PKNOX2: variants seen among roughly 807,000 people sequenced by gnomAD.
PKNOX2 encodes PBX/knotted 1 homeobox 2, also known as homeobox protein PKNOX2.
A neutral mutation model predicts 53.1 loss-of-function variants in PKNOX2; 14 were observed. That is an observed-to-expected ratio of 0.26 (90% CI 0.17 to 0.41). The LOEUF is 0.41. PKNOX2 is among the 10% of genes least tolerant of loss of function. The probability of loss-of-function intolerance (pLI) is 1.00; values close to 1 mark genes in which losing one functional copy is unlikely to be tolerated. For missense variants in PKNOX2, 496 were observed against 602.8 expected, an observed-to-expected ratio of 0.82 and a Z score of 1.85; for synonymous variants, 257 against 242.8, an observed-to-expected ratio of 1.06 and a Z score of -0.54.
chr11:125,237,849 G>C (rs1429694909), intron 2 of PKNOX2, among the ~76,000 whole-genome samples: 1 of 152,156 alleles, frequency 6.6e-6, no homozygotes, highest in Non-Finnish European at 1.5e-5. Context: ...CACAAGCCTT[G>C]AGCCCTTCAC....
At chr11:125,220,150 A>T (rs913771635) in intron 1 of PKNOX2, among the ~76,000 whole-genome samples, 14 of 152,090 alleles carry the variant, frequency 9.2e-5, no homozygotes, top group African/African-American at 3.1e-4. Flanking sequence ...CACCAAGTTT[A>T]AAAAAAAGTG....
chr11:125,346,850 T>A (rs748208215), intron 3 of PKNOX2, among the ~76,000 whole-genome samples: 2 of 150,642 alleles, frequency 1.3e-5, no homozygotes, highest in Non-Finnish European at 3.0e-5. Context: ...GGGGAGGAGG[T>A]CAGGGGCCAG....
intron 1 of PKNOX2, among the ~76,000 whole-genome samples, chr11:125,205,562 G>C (rs1318949043): frequency 6.6e-6 from 1 of 152,166 alleles, no homozygotes; most frequent in Non-Finnish European, 1.5e-5. Flanking sequence ...TGACTCTCTT[G>C]CTAGGGGTGG....
chr11:125,274,541 A>G (rs1038462571), intron 2 of PKNOX2, among the ~76,000 whole-genome samples: 4 of 152,166 alleles, frequency 2.6e-5, no homozygotes, highest in Admixed American at 2.0e-4. Flanking sequence ...TAGACTAGAG[A>G]ACAAACTGTG....
At chr11:125,259,398 T>C (rs1468304387) in intron 2 of PKNOX2, among the ~76,000 whole-genome samples, 1 of 152,204 alleles carries the variant, frequency 6.6e-6, no homozygotes, top group Non-Finnish European at 1.5e-5. Flanking sequence ...CTGTAATAAG[T>C]GACCAATAAA....
rs564808025 is a variant in PKNOX2 at position 125,253,530 on chromosome 11, G to A, written c.-130+18415G>A. Among the ~76,000 whole-genome samples the A allele has an allele frequency of 2.0e-5, 3 of 152,186 alleles. No individual in the cohort carries two copies. In the South Asian group the frequency reaches 6.2e-4, roughly 32 times the overall value. On this transcript the variant is annotated intron_variant, in intron 2 of 12. Coordinates refer to ENST00000298282, the MANE Select transcript of PKNOX2 (RefSeq NM_001382323.2). ...AGGGTCCCGTGCAAATGCCACCGAT[G>A]GTCCCAGGCAGAGCTAGGACTTCCT...
At chr11:125,188,452 A>G (rs184868565) in intron 1 of PKNOX2, among the ~76,000 whole-genome samples, 3 of 152,344 alleles carry the variant, frequency 2.0e-5, no homozygotes, top group African/African-American at 7.2e-5. Flanking sequence ...CGAGTGTGCC[A>G]TGGTAAAAAG....
chr11:125,428,100 T>C (rs2135689596), intron 10 of PKNOX2, among the ~76,000 whole-genome samples: 1 of 152,250 alleles, frequency 6.6e-6, no homozygotes, highest in Non-Finnish European at 1.5e-5. Context: ...CAGGCATTTG[T>C]ATGTCATTTG....
chr11:125,204,595 G>A (rs913177370), intron 1 of PKNOX2, among the ~76,000 whole-genome samples: 1 of 152,178 alleles, frequency 6.6e-6, no homozygotes, highest in East Asian at 1.9e-4. Flanking sequence ...GAGTTCTGGG[G>A]AAGTCGATGG....
intron 2 of PKNOX2, among the ~76,000 whole-genome samples, chr11:125,262,069 A>G (rs1944894589): frequency 6.6e-6 from 1 of 152,020 alleles, no homozygotes; most frequent in Non-Finnish European, 1.5e-5. Flanking sequence ...GAGCACTAAG[A>G]AGGGTGTTAA....
rs143657137 is a variant in PKNOX2 at position 125,245,785 on chromosome 11, G to A, written c.-130+10670G>A. On this transcript the variant is annotated intron_variant, in intron 2 of 12. Transcript: ENST00000298282. Reference sequence around the variant, plus strand: ...CTCATAGGTTGCTGAAGGGACCTTAGTGGTTACTGAGTTTCTCAGTACTGA... The same window carrying A: ...CTCATAGGTTGCTGAAGGGACCTTAATGGTTACTGAGTTTCTCAGTACTGA... Among the ~76,000 whole-genome samples, 52 of 152,306 alleles carry A rather than the reference G, an allele frequency of 3.4e-4. No individual in the cohort carries two copies. In the East Asian group the frequency reaches 9.1e-3, roughly 27 times the overall value.
intron 2 of PKNOX2, among the ~76,000 whole-genome samples, chr11:125,274,358 A>G (rs1277457379): frequency 1.3e-5 from 2 of 152,124 alleles, no homozygotes; most frequent in East Asian, 1.9e-4. Flanking sequence ...CGAGCTCCAC[A>G]TCCCAGCTCG....
chr11:125,426,569 A>G (rs1465367417), intron 10 of PKNOX2, among the ~76,000 whole-genome samples: 1 of 148,512 alleles, frequency 6.7e-6, no homozygotes, highest in Non-Finnish European at 1.5e-5. Flanking sequence ...TCACTACACA[A>G]TCCTTCAACG....
intron 1 of PKNOX2, among the ~76,000 whole-genome samples, chr11:125,234,000 G>A (rs540182440): frequency 1.3e-5 from 2 of 152,296 alleles, no homozygotes; most frequent in Admixed American, 6.5e-5. Flanking sequence ...TGTCTGTCAG[G>A]CAGACCAGTC....
rs1047874315 is a variant in PKNOX2, at chr11:125,302,403, T to C, written c.-129-29416T>C. Among the ~76,000 whole-genome samples, 4 of 152,192 alleles carry C rather than the reference T, an allele frequency of 2.6e-5. No homozygotes were observed. The East Asian group carries it at 5.8e-4, about 22-fold the overall frequency. On this transcript the variant is annotated intron_variant, in intron 2 of 12. Transcript: ENST00000298282. ...CTAGTCCACGATCTGCTATGCACAC[T>C]CTCCTCTGATGCTGATGGGTGCAAT... is the stretch of plus-strand genomic sequence containing the variant.
intron 2 of PKNOX2, among the ~76,000 whole-genome samples, chr11:125,245,961 A>G (rs925699843): frequency 6.6e-6 from 1 of 152,134 alleles, no homozygotes; most frequent in Admixed American, 6.5e-5. Context: ...AATGTAAAAT[A>G]AGATTGGAGC....
At chr11:125,406,712 C>T (rs138811820) in intron 7 of PKNOX2, among the ~76,000 whole-genome samples, 1 of 152,012 alleles carries the variant, frequency 6.6e-6, no homozygotes. Flanking sequence ...TCCATCCTCT[C>T]TGGACCTCAA....
At chr11:125,315,315 A>C (rs983898370) in intron 2 of PKNOX2, among the ~76,000 whole-genome samples, 9 of 150,696 alleles carry the variant, frequency 6.0e-5, no homozygotes, top group African/African-American at 7.4e-5. Context: ...AAAAAAAAAA[A>C]AAAAAAAAAA....
chr11:125,314,675 A>G (rs980140963), intron 2 of PKNOX2, among the ~76,000 whole-genome samples: 2 of 152,070 alleles, frequency 1.3e-5, no homozygotes, highest in African/African-American at 4.8e-5. Context: ...GCTGTGCTGC[A>G]GAGAGTAGGG....
Sources: allele counts gnomAD v4.1 joint callset (sites outside exome capture counted in the v4.1 genomes callset), GRCh38; gene constraint gnomAD v4.1.1; transcripts MANE v1.5; gene names NCBI Gene and HGNC (gene_info 2026-07-23, HGNC 2026-07-21).